The following KREMEN1 variants were observed in gnomAD, a reference collection of about 807,000 sequenced individuals.
KREMEN1 encodes the protein kremen protein 1.
A neutral mutation model predicts 46.5 loss-of-function variants in KREMEN1; 30 were observed. The observed-to-expected ratio is 0.65, with a 90% CI of 0.48 to 0.88. KREMEN1 has a LOEUF of 0.88. Ranked by LOEUF, KREMEN1 falls within the 40% of genes least tolerant of loss-of-function variation. The pLI, the probability that KREMEN1 is intolerant of heterozygous loss-of-function variation, is 0.00. For synonymous variants in KREMEN1, 214 were observed against 230.6 expected (o/e 0.93, Z 0.65); for missense variants, 533 against 596.9 (o/e 0.89, Z 1.11).
intron 9 of KREMEN1, among the ~76,000 whole-genome samples, chr22:29,161,375 C>T (rs1042385528): frequency 3.0e-4 from 46 of 151,950 alleles, no homozygotes; most frequent in Middle Eastern, 3.4e-3. Flanking sequence ...GGCGTGGTGG[C>T]AGGCGCCTGT....
chr22:29,143,766 G>T lies in KREMEN1; in HGVS notation c.*1654G>T. ...CAAAAAAAAAAAAAACACTCCAAGG[G>T]CCATCCGTGCTCTCTGCCCCTCCTG... On this transcript the variant is annotated 3_prime_UTR_variant, in exon 9 of 9. Transcript: ENST00000400335. The T allele has an allele frequency of 2.0e-6, 2 of 985,634 alleles. No homozygotes were observed. The highest frequency in any genetic ancestry group is 6.1e-5 in the Admixed American group (1 of 16,278). 61.1% of individuals were successfully genotyped at this position (985,634 alleles called of 1,614,324 possible).
intron 3 of KREMEN1, among the ~76,000 whole-genome samples, chr22:29,112,260 AAG>A (rs2038164343): frequency 6.6e-6 from 1 of 152,162 alleles, no homozygotes. Context: ...CTTCCTAAGA[AAG>A]AGAATCTGGT....
intron 4 of KREMEN1, among the ~76,000 whole-genome samples, chr22:29,122,310 T>G (rs983867747): frequency 3.3e-5 from 5 of 152,216 alleles, no homozygotes; most frequent in Non-Finnish European, 7.3e-5. Flanking sequence ...CTGAAAATAC[T>G]AAGAATTGAT....
At chr22:29,099,976 A>G (rs1306086538) in intron 3 of KREMEN1, among the ~76,000 whole-genome samples, 2 of 152,160 alleles carry the variant, frequency 1.3e-5, no homozygotes, top group Non-Finnish European at 2.9e-5. Context: ...CCACATATAC[A>G]ATGGTGGTCC....
Position 29,137,657 on chromosome 22 carries a change from T to C in KREMEN1, c.947T>C (p.Phe316Ser), listed in dbSNP as rs752867471. The C allele has an allele frequency of 1.1e-5, 18 of 1,593,982 alleles. No individual in the cohort carries two copies. Among genetic ancestry groups the C allele is most frequent in the Non-Finnish European group, 1.5e-5 (17 of 1,163,544 alleles). The change falls in exon 6 of 9, where the codon TTT becomes TCT. Residue 316 changes from phenylalanine (F) to serine (S), a missense_variant. By Grantham distance (155) the Phe-to-Ser change is radical. Coordinates refer to ENST00000400335, the MANE Select transcript of KREMEN1 (RefSeq NM_001039570.3). ...FSDRINQAQG[F>S]AVLYQAVKEE... ...GATCGCATCAATCAGGCCCAGGGATTTGCTGTTTTATACCAAGGTAAGACA... is the reference window on the plus strand; with the variant it reads ...GATCGCATCAATCAGGCCCAGGGATCTGCTGTTTTATACCAAGGTAAGACA...
At chr22:29,102,009 A>G (rs1269430092) in intron 3 of KREMEN1, among the ~76,000 whole-genome samples, 2 of 152,252 alleles carry the variant, frequency 1.3e-5, no homozygotes, top group African/African-American at 2.4e-5. Flanking sequence ...TGTAGTATAT[A>G]TAATGTATTT....
At chr22:29,112,550 GTGAA>G (rs2038169710) in intron 3 of KREMEN1, among the ~76,000 whole-genome samples, 1 of 152,198 alleles carries the variant, frequency 6.6e-6, no homozygotes, top group South Asian at 2.1e-4. Flanking sequence ...CTGGGTTAAT[GTGAA>G]TGGAGGACCT....
At position 29,137,656 on chromosome 22, in the gene KREMEN1, T is replaced by C; in HGVS notation, c.946T>C (p.Phe316Leu). 1 of 1,594,424 alleles carries C rather than the reference T, an allele frequency of 6.3e-7. No homozygotes were observed. The highest frequency in any genetic ancestry group is 1.7e-5 in the Admixed American group (1 of 59,678). ...TGATCGCATCAATCAGGCCCAGGGATTTGCTGTTTTATACCAAGGTAAGAC... is the reference window on the plus strand; with the variant it reads ...TGATCGCATCAATCAGGCCCAGGGACTTGCTGTTTTATACCAAGGTAAGAC... ...FSDRINQAQGFAVLYQAVKEE... is the reference protein window; with the variant it reads ...FSDRINQAQGLAVLYQAVKEE... Residue 316 changes from phenylalanine to leucine, a missense_variant, in exon 6 of 9, where the codon TTT becomes CTT. Transcript: ENST00000400335.
chr22:29,096,733 A>G (rs1031036119), intron 2 of KREMEN1, among the ~76,000 whole-genome samples: 1 of 152,044 alleles, frequency 6.6e-6, no homozygotes, highest in Admixed American at 6.6e-5. Flanking sequence ...ATGCTTTTCA[A>G]TATGGTTTTG....
At chr22:29,156,540 G>A (rs1394122777) in intron 9 of KREMEN1, among the ~76,000 whole-genome samples, 4 of 151,462 alleles carry the variant, frequency 2.6e-5, no homozygotes, top group Middle Eastern at 6.8e-3. Flanking sequence ...GGCCTTCCAG[G>A]CCTTGGAATG....
chr22:29,073,943 C>T lies in KREMEN1; in HGVS notation c.97+716C>T, dbSNP rs2037521542. The stretch of plus-strand genomic sequence containing the variant: ...CCCTCTCCGAGACCTCCAGCGACAT[C>T]CCTCCCCTGGGCCAAGGTCCCCTCC... On this transcript the variant is annotated intron_variant, in intron 1 of 8. Coordinates refer to ENST00000400335, the MANE Select transcript of KREMEN1 (RefSeq NM_001039570.3). This position sits in a 1 kb window ranked among gnomAD's most constrained non-coding sequence, Gnocchi z 4.4. Among the ~76,000 whole-genome samples the T allele has an allele frequency of 6.6e-6, 1 of 152,140 alleles. No homozygotes were observed.
At chr22:29,109,536 G>A (rs1314460156) in intron 3 of KREMEN1, among the ~76,000 whole-genome samples, 8 of 152,216 alleles carry the variant, frequency 5.3e-5, no homozygotes, top group Non-Finnish European at 1.2e-4. Flanking sequence ...ATGGGTCAGG[G>A]AACAGCAGGA....
At chr22:29,150,741 CTT>C (rs1385966640), downstream of KREMEN1, among the ~76,000 whole-genome samples, 1 of 152,182 alleles carries the variant, frequency 6.6e-6, no homozygotes, top group Admixed American at 6.5e-5. Context: ...GAGGAAAGCA[CTT>C]TTGAATGTGC....
rs1455604403 is a variant in KREMEN1 at position 29,121,496 on chromosome 22, G to T, written c.477+15G>T. 6.2e-7 allele frequency: 1 copy of T among 1,611,074 alleles called. No individual in the cohort carries two copies. The highest frequency in any genetic ancestry group is 8.5e-7 in the Non-Finnish European group (1 of 1,178,636). ...AGAGGTTCAAGGTGATGACTCTGTG[G>T]CTGTGTAACTATAGAAAAATATAAA... is the stretch of plus-strand genomic sequence containing the variant. On this transcript the variant is annotated intron_variant, in intron 4 of 8. Coordinates refer to ENST00000400335, the MANE Select transcript of KREMEN1 (RefSeq NM_001039570.3).
chr22:29,146,092 A>G lies in KREMEN1; in HGVS notation c.*3980A>G. ...CTGCTGAGGTCAGGCCAGGTCTCCC[A>G]CGGAGCCGGGCAGCTCCACACCCCA... On this transcript the variant is annotated 3_prime_UTR_variant, in exon 9 of 9. Transcript: ENST00000400335. 1.0e-6 allele frequency: 1 copy of G among 985,610 alleles called. No individual in the cohort carries two copies. The highest frequency in any genetic ancestry group is 1.2e-6 in the Non-Finnish European group (1 of 829,952). The allele number at this position is 985,610 out of a possible 1,614,324, so 61.1% of individuals were successfully genotyped here.
At chr22:29,105,478 TACACACACACACAC>T (rs10642386) in intron 3 of KREMEN1, among the ~76,000 whole-genome samples, 4 of 146,890 alleles carry the variant, frequency 2.7e-5, no homozygotes, top group African/African-American at 5.0e-5. Flanking sequence ...CACACACACA[TACACACACACACAC>T]ACACACACAC....
chr22:29,120,088 G>A, intron 3 of KREMEN1, among the ~76,000 whole-genome samples: 1 of 125,082 alleles, frequency 8.0e-6, no homozygotes, highest in Non-Finnish European at 1.7e-5. Flanking sequence ...AGGAAATGGA[G>A]GAGGGAGAGG....
intron 5 of KREMEN1, among the ~76,000 whole-genome samples, chr22:29,127,424 G>A (rs1488197617): frequency 6.6e-6 from 1 of 152,188 alleles, no homozygotes; most frequent in East Asian, 1.9e-4. Context: ...TTGCTGGTGG[G>A]AATGTAAAAT....
chr22:29,110,165 C>T (rs1276099497), intron 3 of KREMEN1, among the ~76,000 whole-genome samples: 1 of 152,238 alleles, frequency 6.6e-6, no homozygotes, highest in Non-Finnish European at 1.5e-5. Flanking sequence ...TCTTCTGCTG[C>T]TGTCACCTGG....
Sources: allele counts gnomAD v4.1 joint callset (sites outside exome capture counted in the v4.1 genomes callset), GRCh38; gene constraint gnomAD v4.1.1; non-coding constraint Gnocchi (gnomAD v3.1); transcripts MANE v1.5; gene names NCBI Gene and HGNC (gene_info 2026-07-23, HGNC 2026-07-21).